Variants in DLC1 observed in about 807,000 individuals in gnomAD.
The protein encoded by DLC1 is DLC1 Rho GTPase activating protein.
DLC1 carries 54 observed loss-of-function variants against 140.3 expected under a neutral mutation model. The ratio of observed to expected loss-of-function variants is 0.38; its 90% confidence interval spans 0.31 to 0.48. DLC1 has a LOEUF of 0.48. Among genes scored for constraint, DLC1 ranks in the 20% least tolerant of loss-of-function variants. DLC1 has a pLI of 0.96. For missense variants in DLC1, 2,536 were observed against 1,907.0 expected (o/e 1.33, Z -6.14); for synonymous variants, 986 against 728.1 (o/e 1.35, Z -5.70).
At chr8:13,397,132 G>T (rs1162516282) in intron 3 of DLC1, among the ~76,000 whole-genome samples, 1 of 152,048 alleles carries the variant, frequency 6.6e-6, no homozygotes, top group Non-Finnish European at 1.5e-5. Flanking sequence ...CTCAACTCTG[G>T]CCCAGGGAAG....
chr8:13,104,792 A>G (rs774247189), intron 7 of DLC1, among the ~76,000 whole-genome samples: 3 of 152,234 alleles, frequency 2.0e-5, no homozygotes, highest in Non-Finnish European at 4.4e-5. Flanking sequence ...ATAAATAAAG[A>G]TAGCCCAGAG....
At chr8:13,540,257 T>C (rs966212) in intron 1 of DLC1, among the ~76,000 whole-genome samples, 43,516 of 152,000 alleles carry the variant, frequency 0.29, 6,477 homozygotes, top group Non-Finnish European at 0.3. Context: ...TCAAAATTCA[T>C]TATGATCATT....
intron 5 of DLC1, among the ~76,000 whole-genome samples, chr8:13,225,678 C>T (rs867828337): frequency 3.3e-5 from 5 of 149,670 alleles, no homozygotes; most frequent in African/African-American, 4.9e-5. Context: ...TGCAGAGGCG[C>T]GGCCTCGGCT....
Position 13,499,891 on chromosome 8 carries a change from G to C in DLC1, c.181C>G (p.Leu61Val). Residue 61 changes from leucine (L) to valine (V), a missense_variant, in exon 2 of 18, where the codon CTA becomes GTA. Coordinates refer to ENST00000276297, the MANE Select transcript of DLC1 (RefSeq NM_182643.3). Reference protein sequence around the residue: ...NVDRKEKCVSLPDCCHGSELR... With the variant: ...NVDRKEKCVSVPDCCHGSELR... ...TCTGATCCATGACAGCAGTCAGGTA[G>C]TGAAACACACTTCTCTTTGCGGTCC... 6.2e-7 allele frequency: 1 copy of C among 1,614,102 alleles called. No individual in the cohort carries two copies. Among genetic ancestry groups the C allele is most frequent in the Non-Finnish European group, 8.5e-7 (1 of 1,180,000 alleles).
chr8:13,442,827 C>T (rs536911378), intron 2 of DLC1, among the ~76,000 whole-genome samples: 1 of 152,120 alleles, frequency 6.6e-6, no homozygotes, highest in Admixed American at 6.6e-5. Flanking sequence ...CTAGAAATAC[C>T]ATTTGACCCA....
chr8:13,266,865 T>TGATAACTAATG (rs1830709525), intron 5 of DLC1, among the ~76,000 whole-genome samples: 1 of 152,246 alleles, frequency 6.6e-6, no homozygotes, highest in African/African-American at 2.4e-5. Context: ...TTAGAAGGCC[T>TGATAACTAATG]GATAACTAAT....
At chr8:13,454,363 A>G (rs1799295110) in intron 2 of DLC1, among the ~76,000 whole-genome samples, 1 of 152,220 alleles carries the variant, frequency 6.6e-6, no homozygotes, top group Non-Finnish European at 1.5e-5. Flanking sequence ...TCTTCCTAAA[A>G]TACTATAATT....
chr8:13,600,768 C>T (rs1383144170), intron 1 of DLC1, among the ~76,000 whole-genome samples: 1 of 151,616 alleles, frequency 6.6e-6, no homozygotes, highest in Non-Finnish European at 1.5e-5. Flanking sequence ...ACCTTATCTA[C>T]AGTGAAATTC....
chr8:13,188,858 T>G (rs1826574954), intron 5 of DLC1, among the ~76,000 whole-genome samples: 1 of 124,848 alleles, frequency 8.0e-6, no homozygotes, highest in Non-Finnish European at 1.6e-5. Flanking sequence ...TTTTTTTTTT[T>G]TTTTTTTTTT....
At chr8:13,294,200 T>C (rs1831864354) in intron 5 of DLC1, among the ~76,000 whole-genome samples, 1 of 152,254 alleles carries the variant, frequency 6.6e-6, no homozygotes, top group Non-Finnish European at 1.5e-5. Flanking sequence ...GTTTGAACTA[T>C]ACTTTCTGGT....
In DLC1 at chr8:13,425,021, C is replaced by CT. The variant is rs200151655; in HGVS notation, c.1024-23403dup. Among the ~76,000 whole-genome samples the CT allele has an allele frequency of 1.8e-3, 272 of 151,580 alleles. 1 individual carries two copies. Among genetic ancestry groups the CT allele is most frequent in the African/African-American group, 6.4e-3 (263 of 41,310 alleles). On this transcript the variant is annotated intron_variant, in intron 2 of 17. Transcript: ENST00000276297. ...GAAGTAAGTGCTGAGAATTCTATGA[C>CT]TTTTTTTTCACATGCCATGTGTCCA...
chr8:13,178,059 T>G (rs1825846205), intron 5 of DLC1, among the ~76,000 whole-genome samples: 1 of 152,130 alleles, frequency 6.6e-6, no homozygotes, highest in South Asian at 2.1e-4. Context: ...CCTGTTTCAG[T>G]AAAATGGTTC....
intron 5 of DLC1, among the ~76,000 whole-genome samples, chr8:13,290,029 G>T (rs1027150376): frequency 1.1e-4 from 16 of 151,128 alleles, no homozygotes; most frequent in Non-Finnish European, 1.9e-4. Context: ...TTGACTCTAA[G>T]TTCTGTACAG....
At chr8:13,541,053 A>G (rs1803466567) in intron 1 of DLC1, among the ~76,000 whole-genome samples, 1 of 152,192 alleles carries the variant, frequency 6.6e-6, no homozygotes, top group Admixed American at 6.5e-5. Context: ...TTGAGTTATA[A>G]TTTACATACA....
At chr8:13,097,249 TTTATTA>T (rs149250885) in intron 10 of DLC1, among the ~76,000 whole-genome samples, 4 of 147,026 alleles carry the variant, frequency 2.7e-5, no homozygotes, top group South Asian at 4.4e-4. Flanking sequence ...CACATCCAAA[TTTATTA>T]TTATTATTAT....
intron 2 of DLC1, among the ~76,000 whole-genome samples, chr8:13,470,227 T>A (rs1171119400): frequency 6.6e-6 from 1 of 152,234 alleles, no homozygotes; most frequent in Admixed American, 6.5e-5. Flanking sequence ...TAAGGTAATT[T>A]ATTTCTCAAA....
At chr8:13,191,841 G>A (rs932173909) in intron 5 of DLC1, among the ~76,000 whole-genome samples, 1 of 151,976 alleles carries the variant, frequency 6.6e-6, no homozygotes, top group African/African-American at 2.4e-5. Context: ...TACTAACTCT[G>A]TAGTCCTTTC....
At position 13,155,795 on chromosome 8, in the gene DLC1, G is replaced by A. The variant is rs4454278; in HGVS notation, c.1349-40138C>T. On this transcript the variant is annotated intron_variant, in intron 5 of 17. Coordinates refer to ENST00000276297, the MANE Select transcript of DLC1 (RefSeq NM_182643.3). ...TTCACATGAGGAATAAAAGAACTCA[G>A]AGCTGTAGGTTGGTAGTAACTTTAA... Among the ~76,000 whole-genome samples, 856 of 152,230 alleles carry A rather than the reference G, an allele frequency of 5.6e-3. 9 individuals carry two copies. The highest frequency in any genetic ancestry group is 0.02 in the African/African-American group (829 of 41,534).
chr8:13,297,637 A>G (rs771105153), intron 5 of DLC1, among the ~76,000 whole-genome samples: 1 of 152,178 alleles, frequency 6.6e-6, no homozygotes, highest in Non-Finnish European at 1.5e-5. Context: ...AGTGGGAGAG[A>G]CAGCAATAAA....
Sources: allele counts gnomAD v4.1 joint callset (sites outside exome capture counted in the v4.1 genomes callset), GRCh38; gene constraint gnomAD v4.1.1; transcripts MANE v1.5; gene names NCBI Gene and HGNC (gene_info 2026-07-23, HGNC 2026-07-21).